Variants in CNBD1 observed in about 807,000 individuals in gnomAD.
CNBD1 encodes the protein cyclic nucleotide-binding domain-containing protein 1.
Under a neutral mutation model 54.4 loss-of-function variants are expected in CNBD1, and 71 were observed. The ratio of observed to expected loss-of-function variants is 1.30; its 90% CI spans 1.08 to 1.59. CNBD1 has a LOEUF of 1.59. CNBD1 is among the 40% of genes most tolerant of loss of function. The pLI is 0.00. For missense variants in CNBD1, 659 were observed against 518.0 expected, an observed-to-expected ratio of 1.27 and a Z score of -2.64; for synonymous variants, 182 against 170.7, an observed-to-expected ratio of 1.07 and a Z score of -0.51.
chr8:86,968,432 T>C (rs1445018749), intron 4 of CNBD1, among the ~76,000 whole-genome samples: 5 of 152,178 alleles, frequency 3.3e-5, no homozygotes, highest in Non-Finnish European at 5.9e-5. Context: ...AAAATGTATT[T>C]TCTCTTTTAG....
intron 4 of CNBD1, among the ~76,000 whole-genome samples, chr8:87,169,611 C>T (rs555324686): frequency 1.3e-5 from 2 of 152,062 alleles, no homozygotes; most frequent in Non-Finnish European, 2.9e-5. Flanking sequence ...AGTCTAATTT[C>T]ATTTTTCTGC....
chr8:87,094,113 G>A (rs192083513), intron 4 of CNBD1, among the ~76,000 whole-genome samples: 1 of 152,290 alleles, frequency 6.6e-6, no homozygotes, highest in Non-Finnish European at 1.5e-5. Flanking sequence ...GAGAAGCTAT[G>A]TTTGTGGGTG....
chr8:87,188,855 T>C (rs1813539367), intron 4 of CNBD1, among the ~76,000 whole-genome samples: 1 of 147,228 alleles, frequency 6.8e-6, no homozygotes, highest in African/African-American at 2.5e-5. Context: ...TTAAAACATC[T>C]AACATGTAGG....
intron 4 of CNBD1, among the ~76,000 whole-genome samples, chr8:87,010,929 A>G (rs554354290): frequency 3.9e-5 from 6 of 152,076 alleles, no homozygotes; most frequent in Admixed American, 6.5e-5. Flanking sequence ...TTCTTCTCCT[A>G]CTAGTATTTA....
chr8:86,983,425 T>C (rs553273443), intron 4 of CNBD1, among the ~76,000 whole-genome samples: 26 of 152,292 alleles, frequency 1.7e-4, no homozygotes, highest in African/African-American at 6.0e-4. Flanking sequence ...GCTGAAAATA[T>C]ACCCAAAAAA....
intron 8 of CNBD1, among the ~76,000 whole-genome samples, chr8:87,302,822 A>G (rs1265301639): frequency 6.6e-6 from 1 of 152,094 alleles, no homozygotes; most frequent in Non-Finnish European, 1.5e-5. Flanking sequence ...AAAAATCACA[A>G]GCATTCTTAT....
intron 8 of CNBD1, among the ~76,000 whole-genome samples, chr8:87,327,578 A>T (rs557130955): frequency 6.6e-6 from 1 of 152,106 alleles, no homozygotes; most frequent in Non-Finnish European, 1.5e-5. Context: ...CAGGTGCGTC[A>T]GTCACCCCTT....
intron 5 of CNBD1, among the ~76,000 whole-genome samples, chr8:87,206,931 T>A (rs1813988689): frequency 6.6e-6 from 1 of 152,090 alleles, no homozygotes; most frequent in Non-Finnish European, 1.5e-5. Flanking sequence ...GTTCTCTGTG[T>A]ATTATGTCAC....
At chr8:87,341,405 G>A (rs558117276) in intron 8 of CNBD1, among the ~76,000 whole-genome samples, 12 of 152,166 alleles carry the variant, frequency 7.9e-5, no homozygotes, top group Non-Finnish European at 1.8e-4. Flanking sequence ...CCATCCCTAG[G>A]GGGAAACTGG....
chr8:87,378,458 A>T (rs999258120), intron 10 of CNBD1, among the ~76,000 whole-genome samples: 6 of 150,896 alleles, frequency 4.0e-5, no homozygotes, highest in African/African-American at 9.9e-5. Context: ...AAGATCAGAT[A>T]GTTGTAGATA....
chr8:87,417,102 G>C (rs1807851355), intron 2 of CNBD1, among the ~76,000 whole-genome samples: 1 of 151,920 alleles, frequency 6.6e-6, no homozygotes, highest in Non-Finnish European at 1.5e-5. Flanking sequence ...ACATACCAAA[G>C]ACATAATTTA....
intron 2 of CNBD1, among the ~76,000 whole-genome samples, chr8:87,403,908 CCATGATGTGATTTGCTTA>C (rs1463102973): frequency 6.6e-6 from 1 of 151,984 alleles, no homozygotes; most frequent in Non-Finnish European, 1.5e-5. Context: ...CCACTCTCCC[CCATGATGTGATTTGCTTA>C]CAAATAGTGC....
chr8:86,977,629 T>G (rs1317965986), intron 4 of CNBD1, among the ~76,000 whole-genome samples: 2 of 152,202 alleles, frequency 1.3e-5, no homozygotes, highest in East Asian at 3.9e-4. Flanking sequence ...TTGGATAACC[T>G]AGAACAAAAT....
chr8:87,013,241 C>A (rs1809262146), intron 4 of CNBD1, among the ~76,000 whole-genome samples: 1 of 152,118 alleles, frequency 6.6e-6, no homozygotes, highest in African/African-American at 2.4e-5. Context: ...GCTGGTTTTC[C>A]CTAGGAAGTT....
intron 4 of CNBD1, among the ~76,000 whole-genome samples, chr8:87,038,495 C>T (rs951245908): frequency 6.6e-6 from 1 of 152,092 alleles, no homozygotes; most frequent in Admixed American, 6.5e-5. Flanking sequence ...CTGGGTGAAG[C>T]CATCTCTCCA....
chr8:86,963,341 G>A (rs1807983332), intron 4 of CNBD1, among the ~76,000 whole-genome samples: 1 of 152,146 alleles, frequency 6.6e-6, no homozygotes, highest in African/African-American at 2.4e-5. Flanking sequence ...AGGCCTAATT[G>A]TCAGGAATTA....
chr8:87,158,544 A>G (rs1239556780), intron 4 of CNBD1, among the ~76,000 whole-genome samples: 1 of 152,178 alleles, frequency 6.6e-6, no homozygotes, highest in Non-Finnish European at 1.5e-5. Context: ...AACTCTGTTC[A>G]TTACATTTGA....
intron 2 of CNBD1, among the ~76,000 whole-genome samples, chr8:87,392,128 G>C (rs1290789128): frequency 1.3e-5 from 2 of 151,900 alleles, no homozygotes; most frequent in Non-Finnish European, 2.9e-5. Flanking sequence ...CTACTATTTT[G>C]AAAAATTATA....
intron 2 of CNBD1, among the ~76,000 whole-genome samples, chr8:87,394,431 T>G (rs1811372947): frequency 1.3e-5 from 2 of 151,766 alleles, no homozygotes; most frequent in Non-Finnish European, 3.0e-5. Flanking sequence ...CTTTTCTATT[T>G]TTATCTTGTT....
Sources: gnomAD v4.1 joint callset for allele counts (sites outside exome capture counted in the v4.1 genomes callset) on GRCh38, gnomAD v4.1.1 for gene constraint, MANE v1.5 for transcripts, NCBI Gene and HGNC (gene_info 2026-07-23, HGNC 2026-07-21) for gene names.